APC2: variants seen among roughly 807,000 people sequenced by gnomAD.
APC2 encodes the protein adenomatous polyposis coli protein 2.
APC2 carries 41 observed loss-of-function variants against 72.5 expected under a neutral mutation model. The ratio of observed to expected loss-of-function variants is 0.57; its 90% confidence interval spans 0.44 to 0.73. The LOEUF is 0.73. Among genes scored for constraint, APC2 ranks in the 30% least tolerant of loss-of-function variants. APC2 has a pLI of 0.00. For synonymous variants in APC2, 1,898 were observed against 1,612.0 expected (o/e 1.18, Z -4.25); for missense variants, 3,729 against 3,403.4 (o/e 1.10, Z -2.38).
Position 1,452,991 on chromosome 19 carries a change from A to C in APC2, c.-11A>C, listed in dbSNP as rs761964064. ...CTGACCCTGTGATCCCAGACGCTGCAGGAGCTGAAGATGGCGAGCTCCGTG... is the reference window on the plus strand; with the variant it reads ...CTGACCCTGTGATCCCAGACGCTGCCGGAGCTGAAGATGGCGAGCTCCGTG... On this transcript the variant is annotated 5_prime_UTR_variant, in exon 2 of 15. Transcript: ENST00000590469. The surrounding 1 kb of genome is among the most constrained non-coding windows in gnomAD (Gnocchi z 5.1). 6.2e-7 allele frequency: 1 copy of C among 1,610,922 alleles called. No individual in the cohort carries two copies. The highest frequency in any genetic ancestry group is 8.5e-7 in the Non-Finnish European group (1 of 1,179,884).
intron 6 of APC2, among the ~76,000 whole-genome samples, chr19:1,455,789 A>C (rs576465203): frequency 1.6e-4 from 24 of 151,566 alleles, no homozygotes; most frequent in Admixed American, 1.1e-3. Context: ...TAGAAGGACG[A>C]GGTCTAGGTT....
Position 1,467,438 on chromosome 19 carries a change from C to A in APC2, c.4137C>A (p.Ala1379=). The change falls in exon 15 of 15, where the codon GCC becomes GCA. Residue 1379 remains alanine, a synonymous_variant. Transcript: ENST00000590469. ...TGCCCGTCTACATGTTGGTGCCCGC[C>A]CCGGCCCCGGCCCAGGAGGACGACT... The part of the protein sequence containing the change: ...LPVPVYMLVP[A]PAPAQEDDSC... The A allele has an allele frequency of 1.4e-6, 2 of 1,478,664 alleles. No individual in the cohort carries two copies. The highest frequency in any genetic ancestry group is 2.8e-5 in the East Asian group (1 of 35,430). The allele number at this position is 1,478,664 out of a possible 1,614,324, so 91.6% of individuals were successfully genotyped here.
chr19:1,462,045 T>C lies in APC2; in HGVS notation c.1721T>C (p.Val574Ala). ...GAGAACAAGGCGGCCATCTGCCAGG[T>C]GGATGGCGCCCTGGGCTTCCTGGTG... The part of the protein sequence containing the change: ...STENKAAICQ[V>A]DGALGFLVST... The change falls in exon 14 of 15, where the codon GTG (valine) becomes GCG (alanine). Residue 574 changes from valine to alanine, a missense_variant. Val to Ala is a moderately conservative substitution (Grantham distance 64, BLOSUM62 0). Coordinates refer to ENST00000590469, the MANE Select transcript of APC2 (RefSeq NM_005883.3). 1 of 1,612,822 alleles carries C rather than the reference T, an allele frequency of 6.2e-7. No individual in the cohort carries two copies. The highest frequency in any genetic ancestry group is 1.3e-5 in the African/African-American group (1 of 74,886).
rs542408230 is a variant in APC2 at position 1,469,831 on chromosome 19, C to A, written c.6530C>A (p.Ala2177Asp). 10 of 1,520,788 alleles carry A rather than the reference C, an allele frequency of 6.6e-6. No homozygotes were observed. Among genetic ancestry groups the A allele is most frequent in the East Asian group, 2.6e-5 (1 of 38,898 alleles). 94.2% of individuals were successfully genotyped at this position (1,520,788 alleles called of 1,614,324 possible). A position where few individuals can be genotyped will look rare whatever the true frequency, so the allele number is the denominator to read the frequency against. ...CTGCGGGGCTCCACGCCCGAGGACGCCCCGGCCGGGCCCCCGCCGCGCAAG... is the reference window on the plus strand; with the variant it reads ...CTGCGGGGCTCCACGCCCGAGGACGACCCGGCCGGGCCCCCGCCGCGCAAG... The part of the protein sequence containing the change: ...LPLRGSTPED[A>D]PAGPPPRKTS... Residue 2177 changes from alanine to aspartate, a missense_variant, in exon 15 of 15, where the codon GCC becomes GAC. Transcript: ENST00000590469.
chr19:1,461,093 G>T lies in APC2; in HGVS notation c.1578G>T (p.Lys526Asn). Reference protein sequence around the residue: ...LSWRADINSKKVLREAGSVTA... With the variant: ...LSWRADINSKNVLREAGSVTA... Reference sequence around the variant, plus strand: ...GGAGGGCCGACATCAACAGCAAGAAGGTGCTGAGGGAGGCGGGCAGCGTGA... The same window carrying T: ...GGAGGGCCGACATCAACAGCAAGAATGTGCTGAGGGAGGCGGGCAGCGTGA... The change falls in exon 13 of 15, where the codon AAG (lysine) becomes AAT (asparagine). Residue 526 changes from lysine (K) to asparagine (N), a missense_variant. Lys to Asn is a moderately conservative substitution (Grantham distance 94, BLOSUM62 0). Coordinates refer to ENST00000590469, the MANE Select transcript of APC2 (RefSeq NM_005883.3). The T allele has an allele frequency of 6.2e-7, 1 of 1,613,688 alleles. No homozygotes were observed. The highest frequency in any genetic ancestry group is 1.1e-5 in the South Asian group (1 of 91,088).
At chr19:1,454,973 A>T (rs2083797075) in intron 4 of APC2, among the ~76,000 whole-genome samples, 176 bp from the exon 5 acceptor site, 1 of 128,808 alleles carries the variant, frequency 7.8e-6, no homozygotes, top group Non-Finnish European at 1.6e-5. Flanking sequence ...TCCCCCAGTT[A>T]ATTTCAATAC....
Position 1,465,302 on chromosome 19 carries a change from C to T in APC2, c.2001C>T (p.Gly667=), listed in dbSNP as rs1233140791. The change falls in exon 15 of 15, where the codon GGC becomes GGT. Residue 667 remains glycine, a synonymous_variant. Coordinates refer to ENST00000590469, the MANE Select transcript of APC2 (RefSeq NM_005883.3). ...ACCAGGAGCTGCTGTGGGACCTGGG[C>T]GCCGTGGGCATGCTGCGTAATCTGG... is the stretch of plus-strand genomic sequence containing the variant. ...ARDQELLWDL[G]AVGMLRNLVH... The T allele has an allele frequency of 1.9e-6, 3 of 1,599,310 alleles. No homozygotes were observed. Among genetic ancestry groups the T allele is most frequent in the East Asian group, 2.2e-5 (1 of 44,694 alleles).
At position 1,469,753 on chromosome 19, in the gene APC2, A is replaced by G; in HGVS notation, c.6452A>G (p.Asp2151Gly). The G allele has an allele frequency of 6.7e-7, 1 of 1,492,058 alleles. No individual in the cohort carries two copies. Among genetic ancestry groups the G allele is most frequent in the Non-Finnish European group, 8.9e-7 (1 of 1,129,102 alleles). 92.4% of individuals were successfully genotyped at this position (1,492,058 alleles called of 1,614,324 possible). A position where few individuals can be genotyped will look rare whatever the true frequency, so the allele number is the denominator to read the frequency against. The change falls in exon 15 of 15, where the codon GAT (aspartate) becomes GGT (glycine). Residue 2151 changes from aspartate (D) to glycine (G), a missense_variant. Physicochemically the swap from Asp to Gly is moderately conservative, Grantham distance 94. Transcript: ENST00000590469. ...GGCACGACCTGGCGGCGCATCCGAG[A>G]TGAGGACGTGCCCCACATCCTGCGC... ...APGTTWRRIRDEDVPHILRST... is the reference protein window; with the variant it reads ...APGTTWRRIRGEDVPHILRST...
In APC2 at chr19:1,457,948, GGTCCCTGT is replaced by G. The variant is rs781447236; in HGVS notation, c.1208-15_1208-8del. ...TTCCTGGGAATGGGGGCTCTGATCT[GGTCCCTGT>G]GCCCACAGCCCCGATCCCCATCGAG... On this transcript the variant is annotated splice_polypyrimidine_tract_variant and intron_variant, in intron 9 of 14. Coordinates refer to ENST00000590469, the MANE Select transcript of APC2 (RefSeq NM_005883.3). 2 of 1,547,980 alleles carry G rather than the reference GGTCCCTGT, an allele frequency of 1.3e-6. No homozygotes were observed. The highest frequency in any genetic ancestry group is 8.7e-7 in the Non-Finnish European group (1 of 1,145,988).
rs1261406986 is a variant in APC2 at position 1,465,605 on chromosome 19, C to A, written c.2304C>A (p.Ala768=). Residue 768 remains alanine, a synonymous_variant, in exon 15 of 15, where the codon GCC becomes GCA. Coordinates refer to ENST00000590469, the MANE Select transcript of APC2 (RefSeq NM_005883.3). ...LPPLRHLDGL[A]QDYASDSGCF... is the part of the protein sequence containing the mutation. ...CCCTGCGACACCTGGACGGCCTGGC[C>A]CAAGACTATGCTTCCGATTCGGGCT... is the stretch of plus-strand genomic sequence containing the variant. 2.5e-6 allele frequency: 4 copies of A among 1,595,580 alleles called. No homozygotes were observed. In the South Asian group the frequency reaches 3.4e-5, roughly 14 times the overall value.
chr19:1,449,410 C>T (rs907994061), upstream of APC2, among the ~76,000 whole-genome samples: 3 of 152,172 alleles, frequency 2.0e-5, no homozygotes, highest in Non-Finnish European at 4.4e-5. Flanking sequence ...CCTGGCCCTT[C>T]CCTCCTCTGG....
In APC2 at chr19:1,467,377, C is replaced by A; in HGVS notation, c.4076C>A (p.Ala1359Asp). The A allele has an allele frequency of 6.7e-7, 1 of 1,485,216 alleles. No individual in the cohort carries two copies. The highest frequency in any genetic ancestry group is 8.9e-7 in the Non-Finnish European group (1 of 1,123,584). 92.0% of individuals were successfully genotyped at this position (1,485,216 alleles called of 1,614,324 possible). ...AAVPARLRKVASALVPGRRAL... is the reference protein window; with the variant it reads ...AAVPARLRKVDSALVPGRRAL... ...GTGCCTGCCCGGCTGCGCAAGGTGG[C>A]CTCCGCGCTGGTGCCAGGTCGCCGC... The change falls in exon 15 of 15, where the codon GCC becomes GAC. Residue 1359 changes from alanine to aspartate, a missense_variant. Coordinates refer to ENST00000590469, the MANE Select transcript of APC2 (RefSeq NM_005883.3).
Position 1,469,156 on chromosome 19 carries a change from GC to G in APC2, c.5859del (p.Arg1954GlyfsTer42). 1 of 1,280,468 alleles carries G rather than the reference GC, an allele frequency of 7.8e-7. No homozygotes were observed. Among genetic ancestry groups the G allele is most frequent in the Non-Finnish European group, 9.9e-7 (1 of 1,013,616 alleles). The allele number at this position is 1,280,468 out of a possible 1,614,324, so 79.3% of individuals were successfully genotyped here. A position where few individuals can be genotyped will look rare whatever the true frequency, so the allele number is the denominator to read the frequency against. ...CTGGCTCGGGCAGTCCCGGAGCCGG[GC>G]CCCAGGGGCCGGGCGGGGACCGAGG... ...PPLARAVPEP[G>X]PRGRAGTEAG... On this transcript the variant is annotated frameshift_variant, in exon 15 of 15. Transcript: ENST00000590469. LOFTEE classifies it low-confidence loss of function (END_TRUNC).
chr19:1,465,913 G>C lies in APC2; in HGVS notation c.2612G>C (p.Ser871Thr), dbSNP rs1403370990. 1.3e-6 allele frequency: 2 copies of C among 1,585,562 alleles called. No homozygotes were observed. Among genetic ancestry groups the C allele is most frequent in the Admixed American group, 3.6e-5 (2 of 56,288 alleles). The change falls in exon 15 of 15, where the codon AGC becomes ACC. Residue 871 changes from serine (S) to threonine (T), a missense_variant. Coordinates refer to ENST00000590469, the MANE Select transcript of APC2 (RefSeq NM_005883.3). ...ISALHTSSDD[S>T]FSLSSGDPGQ... ...GCCCTGCACACCTCGTCCGACGATA[G>C]CTTCAGCCTCAGCTCTGGAGACCCG...
At position 1,453,520 on chromosome 19, in the gene APC2, A is replaced by C. The variant is rs373808930; in HGVS notation, c.322A>C (p.Ser108Arg). 1.0e-4 allele frequency: 163 copies of C among 1,610,744 alleles called. 1 individual carries two copies. The East Asian group carries it at 2.7e-3, about 27-fold the overall frequency. The change falls in exon 4 of 15, where the codon AGC becomes CGC. Residue 108 changes from serine (S) to arginine (R), a missense_variant. Physicochemically the swap from Ser to Arg is moderately radical, Grantham distance 110. Transcript: ENST00000590469. ...GCCTGCCGCCCGGACCCCCGAGGGC[A>C]GCCCAGTACACGGCTCCGGGCCCTC... ...PEPAARTPEG[S>R]PVHGSGPSKD...
chr19:1,466,162 G>T lies in APC2; in HGVS notation c.2861G>T (p.Arg954Leu). Reference protein sequence around the residue: ...PCPLAALASRREDPRCGQPRP... With the variant: ...PCPLAALASRLEDPRCGQPRP... ...CCGCTGGCCGCACTGGCTTCGCGCC[G>T]CGAGGACCCCAGGTGTGGGCAGCCT... The change falls in exon 15 of 15, where the codon CGC (arginine) becomes CTC (leucine). Residue 954 changes from arginine to leucine, a missense_variant. Physicochemically the swap from Arg to Leu is moderately radical, Grantham distance 102. Coordinates refer to ENST00000590469, the MANE Select transcript of APC2 (RefSeq NM_005883.3). 6.4e-7 allele frequency: 1 copy of T among 1,564,952 alleles called. No homozygotes were observed. Among genetic ancestry groups the T allele is most frequent in the Non-Finnish European group, 8.6e-7 (1 of 1,166,144 alleles).
rs768706735 is a variant in APC2 at position 1,465,858 on chromosome 19, C to G, written c.2557C>G (p.Arg853Gly). The change falls in exon 15 of 15, where the codon CGC becomes GGC. Residue 853 changes from arginine to glycine, a missense_variant. Physicochemically the swap from Arg to Gly is moderately radical, Grantham distance 125. Coordinates refer to ENST00000590469, the MANE Select transcript of APC2 (RefSeq NM_005883.3). ...AKAKLALAVA[R>G]IDQLVEDISA... ...GGCCAAGCTGGCGCTTGCAGTGGCG[C>G]GCATCGACCAGCTGGTGGAGGACAT... The G allele has an allele frequency of 6.4e-6, 10 of 1,568,600 alleles. No homozygotes were observed. Among genetic ancestry groups the G allele is most frequent in the Non-Finnish European group, 8.6e-6 (10 of 1,159,242 alleles).
At position 1,465,950 on chromosome 19, in the gene APC2, G is replaced by A. The variant is rs753530760; in HGVS notation, c.2649G>A (p.Ala883=). The part of the protein sequence containing the change: ...SLSSGDPGQE[A]PREGRAQSCS... ...GCTCTGGAGACCCGGGACAGGAGGC[G>A]CCACGGGAGGGCCGCGCCCAGTCCT... The change falls in exon 15 of 15, where the codon GCG becomes GCA. Residue 883 remains alanine, a synonymous_variant. Coordinates refer to ENST00000590469, the MANE Select transcript of APC2 (RefSeq NM_005883.3). 11 of 1,577,168 alleles carry A rather than the reference G, an allele frequency of 7.0e-6. No individual in the cohort carries two copies. Among genetic ancestry groups the A allele is most frequent in the Non-Finnish European group, 7.7e-6 (9 of 1,167,728 alleles).
Position 1,467,405 on chromosome 19 carries a change from A to G in APC2, c.4104A>G (p.Ala1368=). Residue 1368 remains alanine (A), a synonymous_variant, in exon 15 of 15, where the codon GCA becomes GCG. Coordinates refer to ENST00000590469, the MANE Select transcript of APC2 (RefSeq NM_005883.3). ...CCGCGCTGGTGCCAGGTCGCCGCGC[A>G]CTCCCCGTGCCCGTCTACATGTTGG... The part of the protein sequence containing the change: ...VASALVPGRR[A]LPVPVYMLVP... 1 of 1,487,314 alleles carries G rather than the reference A, an allele frequency of 6.7e-7. No individual in the cohort carries two copies. Among genetic ancestry groups the G allele is most frequent in the Non-Finnish European group, 8.9e-7 (1 of 1,124,412 alleles). 92.1% of individuals were successfully genotyped at this position (1,487,314 alleles called of 1,614,324 possible).
Sources: gnomAD v4.1 joint callset for allele counts (sites outside exome capture counted in the v4.1 genomes callset) on GRCh38, gnomAD v4.1.1 for gene constraint, Gnocchi (gnomAD v3.1) non-coding constraint, MANE v1.5 for transcripts, NCBI Gene and HGNC (gene_info 2026-07-23, HGNC 2026-07-21) for gene names.